The following DOCK8 variants were observed in gnomAD, a reference collection of about 807,000 sequenced individuals.
DOCK8 encodes dedicator of cytokinesis protein 8.
In DOCK8, 141 loss-of-function variants were observed where a neutral mutation model predicts 245.6. That is an observed-to-expected ratio of 0.57 (90% confidence interval 0.50 to 0.66). The LOEUF (loss-of-function observed/expected upper bound fraction) is 0.66. Among genes scored for constraint, DOCK8 ranks in the 30% least tolerant of loss-of-function variants. The pLI, the probability that DOCK8 is intolerant of heterozygous loss-of-function variation, is 0.00. For missense variants in DOCK8, 2,965 were observed against 2,603.4 expected (o/e 1.14, Z -3.02); for synonymous variants, 1,168 against 970.2 (o/e 1.20, Z -3.79).
At chr9:360,571 C>G (rs1200898220) in intron 14 of DOCK8, among the ~76,000 whole-genome samples, 1 of 152,168 alleles carries the variant, frequency 6.6e-6, no homozygotes, top group African/African-American at 2.4e-5. Context: ...TTGCCATTGG[C>G]TAACTGAAAA....
intron 43 of DOCK8, among the ~76,000 whole-genome samples, chr9:445,675 T>C (rs2057231876): frequency 6.6e-6 from 1 of 152,220 alleles, no homozygotes; most frequent in Non-Finnish European, 1.5e-5. Flanking sequence ...TAGTATTCTG[T>C]TGTGTGACTA....
intron 1 of DOCK8, among the ~76,000 whole-genome samples, chr9:266,677 A>G (rs1049343001): frequency 3.3e-5 from 5 of 152,324 alleles, no homozygotes; most frequent in African/African-American, 1.2e-4. Context: ...TGAAAAAAAC[A>G]TAGAGCTTCT....
intron 40 of DOCK8, among the ~76,000 whole-genome samples, chr9:440,547 T>C (rs1480461499): frequency 6.6e-6 from 1 of 152,182 alleles, no homozygotes; most frequent in Non-Finnish European, 1.5e-5. Context: ...AGAAAATGTC[T>C]AATATACTCT....
chr9:333,819 G>A (rs10813804), intron 10 of DOCK8, among the ~76,000 whole-genome samples: 24,446 of 151,938 alleles, frequency 0.16, 2,228 homozygotes, highest in Admixed American at 0.23. Flanking sequence ...TTTCCAAGGT[G>A]ACTTTTGGAG....
At chr9:297,873 G>C (rs2049333314) in intron 4 of DOCK8, among the ~76,000 whole-genome samples, 1 of 152,220 alleles carries the variant, frequency 6.6e-6, no homozygotes, top group South Asian at 2.1e-4. Context: ...GAAGATGCTA[G>C]TCTTAATGCT....
intron 28 of DOCK8, among the ~76,000 whole-genome samples, chr9:409,934 C>G (rs563729379): frequency 2.2e-4 from 33 of 152,210 alleles, no homozygotes; most frequent in African/African-American, 7.5e-4. Context: ...TTTTCTTAAT[C>G]CAGTCTACCA....
chr9:237,554 C>G (rs899976791), intron 1 of DOCK8, among the ~76,000 whole-genome samples: 1 of 152,072 alleles, frequency 6.6e-6, no homozygotes, highest in African/African-American at 2.4e-5. Context: ...ACTCAGGAGG[C>G]CAAGATGGAA....
At chr9:270,701 G>C (rs973594172) in intron 1 of DOCK8, among the ~76,000 whole-genome samples, 4 of 152,152 alleles carry the variant, frequency 2.6e-5, no homozygotes, top group African/African-American at 9.7e-5. Context: ...ATATACCCTT[G>C]TTGGATACAA....
intron 33 of DOCK8, among the ~76,000 whole-genome samples, chr9:425,732 G>T (rs1287508266): frequency 6.7e-6 from 1 of 150,304 alleles, no homozygotes; most frequent in Non-Finnish European, 1.5e-5. Context: ...ACTCTAGCCT[G>T]GGTGATAGAG....
chr9:382,753 G>A, intron 22 of DOCK8, 68 bp downstream of exon 22: 3 of 1,574,478 alleles, frequency 1.9e-6, no homozygotes, highest in Admixed American at 1.9e-5. Context: ...ACTTGGAGAA[G>A]TAACACAGAA....
Position 439,387 on chromosome 9 carries a change from C to T in DOCK8, c.5222C>T (p.Thr1741Met), listed in dbSNP as rs767685216. The T allele has an allele frequency of 9.9e-6, 16 of 1,612,966 alleles. No individual in the cohort carries two copies. The highest frequency in any genetic ancestry group is 2.2e-5 in the South Asian group (2 of 91,048). ...GAGCAGGCCGCGGAGCTCTTCAGCA[C>T]GGTCAGTGCCCAGAGGGCATCCCGG... ...LLEQAAELFS[T>M]GGLYETVNEV... Residue 1741 changes from threonine (T) to methionine (M), a missense_variant and splice_region_variant, in exon 40 of 48, where the codon ACG becomes ATG. Physicochemically the swap from Thr to Met is moderately conservative, Grantham distance 81. Coordinates refer to ENST00000432829, the MANE Select transcript of DOCK8 (RefSeq NM_203447.4).
chr9:379,271 T>G (rs897624837), intron 20 of DOCK8, among the ~76,000 whole-genome samples: 15 of 152,318 alleles, frequency 9.8e-5, no homozygotes, highest in South Asian at 4.1e-4. Context: ...TGACTTGATA[T>G]GCAGACATTT....
intron 7 of DOCK8, among the ~76,000 whole-genome samples, chr9:323,965 C>G (rs1563921225): frequency 6.6e-6 from 1 of 152,160 alleles, no homozygotes. Context: ...AATAGTGCTG[C>G]TACTTGGCAT....
At chr9:239,045 G>C (rs2131404404) in intron 1 of DOCK8, among the ~76,000 whole-genome samples, 1 of 152,304 alleles carries the variant, frequency 6.6e-6, no homozygotes, top group Middle Eastern at 3.4e-3. Context: ...AAGCCCACAT[G>C]GGGGAACATG....
intron 44 of DOCK8, among the ~76,000 whole-genome samples, 195 bp downstream of exon 44, chr9:446,801 A>G (rs2057277492): frequency 6.6e-6 from 1 of 152,144 alleles, no homozygotes; most frequent in African/African-American, 2.4e-5. Context: ...TTATAGCACT[A>G]TTGTATATTA....
intron 2 of DOCK8, among the ~76,000 whole-genome samples, chr9:281,641 C>CTGTGTGTGTGTGTGTGTGTG (rs60099453): frequency 9.3e-5 from 14 of 150,796 alleles, no homozygotes; most frequent in African/African-American, 3.4e-4. Context: ...GTTTGTGTGC[C>CTGTGTGTGTGTGTGTGTGTG]TGTGTGTGTG....
At chr9:437,385 G>A (rs1274828230) in intron 39 of DOCK8, among the ~76,000 whole-genome samples, 1 of 152,186 alleles carries the variant, frequency 6.6e-6, no homozygotes, top group Admixed American at 6.5e-5. Flanking sequence ...CTTTCTAGCA[G>A]TTGCAGAGAA....
At chr9:233,999 CTTTACAATTTGGCATGTTT>C (rs2047186008) in intron 1 of DOCK8, among the ~76,000 whole-genome samples, 1 of 152,122 alleles carries the variant, frequency 6.6e-6, no homozygotes, top group South Asian at 2.1e-4. Flanking sequence ...CTTGGATGGT[CTTTACAATTTGGCATGTTT>C]TTGCAGTGGC....
chr9:314,962 G>GTCTACAAAAGGCGGTTAT (rs2050280330), intron 6 of DOCK8, among the ~76,000 whole-genome samples: 1 of 152,152 alleles, frequency 6.6e-6, no homozygotes, highest in African/African-American at 2.4e-5. Flanking sequence ...TTCATTCTGA[G>GTCTACAAAAGGCGGTTAT]TCTACAAAAG....
Sources: gnomAD v4.1 joint callset for allele counts (sites outside exome capture counted in the v4.1 genomes callset) on GRCh38, gnomAD v4.1.1 for gene constraint, MANE v1.5 for transcripts, NCBI Gene and HGNC (gene_info 2026-07-23, HGNC 2026-07-21) for gene names.